The following GNAS variants were observed in gnomAD, a reference collection of about 807,000 sequenced individuals.
GNAS encodes protein ALEX.
In GNAS, 8 loss-of-function variants were observed where a neutral mutation model predicts 54.5. The observed-to-expected ratio is 0.15, with a 90% confidence interval of 0.09 to 0.26. The LOEUF (loss-of-function observed/expected upper bound fraction) is 0.26, where lower values mean the gene tolerates loss of function less well. GNAS is among the 10% of genes least tolerant of loss of function. The pLI is 1.00. For missense variants in GNAS, 170 were observed against 529.8 expected, an observed-to-expected ratio of 0.32 and a Z score of 6.67; for synonymous variants, 204 against 191.4, an observed-to-expected ratio of 1.07 and a Z score of -0.54.
chr20:58,850,959 G>A, intron 1 of GNAS: 1 of 398,686 alleles, frequency 2.5e-6, no homozygotes, highest in East Asian at 3.6e-5. Flanking sequence ...TCATTCGCCA[G>A]GCAGCCTTGA....
intron 6 of GNAS, among the ~76,000 whole-genome samples, chr20:58,908,484 A>G (rs117346213): frequency 0.016 from 2,451 of 152,100 alleles, 27 homozygotes; most frequent in Middle Eastern, 0.027. Flanking sequence ...GATTCTTAAA[A>G]AGTAAAAAGG....
Position 58,910,852 on chromosome 20 carries a change from T to G in GNAS, c.*23T>G. On this transcript the variant is annotated 3_prime_UTR_variant, in exon 13 of 13. Coordinates refer to ENST00000371085, the MANE Select transcript of GNAS (RefSeq NM_000516.7). This position sits in a 1 kb window ranked among gnomAD's most constrained non-coding sequence, Gnocchi z 5.8. ...TAAGAAGGGAACCCCCAAATTTAAT[T>G]AAAGCCTTAAGCACAATTAATTAAA... 1 of 1,607,640 alleles carries G rather than the reference T, an allele frequency of 6.2e-7. No homozygotes were observed. The highest frequency in any genetic ancestry group is 1.1e-5 in the South Asian group (1 of 90,964).
chr20:58,854,520 G>A lies in GNAS; in HGVS notation c.43+13634G>A, dbSNP rs981765080. The A allele has an allele frequency of 1.1e-5, 17 of 1,584,148 alleles. No individual in the cohort carries two copies. The highest frequency in any genetic ancestry group is 1.7e-5 in the Admixed American group (1 of 57,748). The stretch of plus-strand genomic sequence containing the variant: ...TCCCGACTCCGGGACAGCACCAGCC[G>A]ATCCTGACTCCGGGGCATTCGCAGC... On this transcript the variant is annotated intron_variant, in intron 1 of 12. Transcript: ENST00000306090.
intron 3 of GNAS, among the ~76,000 whole-genome samples, chr20:58,901,466 C>T (rs186479473): frequency 1.3e-3 from 204 of 152,276 alleles, no homozygotes; most frequent in African/African-American, 4.4e-3. Context: ...GAAGCTCGCT[C>T]ACCTCCCTGT....
intron 1 of GNAS, among the ~76,000 whole-genome samples, chr20:58,877,715 A>G (rs2087921058): frequency 6.6e-6 from 1 of 152,162 alleles, no homozygotes; most frequent in Non-Finnish European, 1.5e-5. Flanking sequence ...CAGTCAGCTC[A>G]AGCAAGAACG....
upstream of GNAS, chr20:58,839,865 T>C (rs945731825): frequency 3.4e-6 from 2 of 596,684 alleles, no homozygotes; most frequent in Admixed American, 3.0e-5. Flanking sequence ...CTTTCCCCTT[T>C]TTTCCCATCC....
chr20:58,855,412 C>T, intron 1 of GNAS: 1 of 1,257,558 alleles, frequency 8.0e-7, no homozygotes. Context: ...CCTGGTGGGG[C>T]TAGGGGCTCC....
At chr20:58,844,588 C>T (rs528965876) in intron 1 of GNAS, among the ~76,000 whole-genome samples, 3 of 152,138 alleles carry the variant, frequency 2.0e-5, no homozygotes, top group Admixed American at 6.5e-5. Context: ...AATGAGATCG[C>T]TGAATGAGAT....
chr20:58,890,396 C>A (rs28568499), upstream of GNAS, among the ~76,000 whole-genome samples: 1 of 151,662 alleles, frequency 6.6e-6, no homozygotes, highest in African/African-American at 2.4e-5. Flanking sequence ...AGGACGACGC[C>A]TACTACGCGG....
intron 1 of GNAS, chr20:58,855,955 T>G: frequency 2.9e-6 from 1 of 341,372 alleles, no homozygotes; most frequent in Non-Finnish European, 5.4e-6. Context: ...ACTTTCGCTG[T>G]TCGCACACTC....
chr20:58,896,228 AT>A (rs5842244), intron 2 of GNAS, among the ~76,000 whole-genome samples: 31 of 151,718 alleles, frequency 2.0e-4, no homozygotes, highest in African/African-American at 4.8e-4. Flanking sequence ...ACAGTTTCTC[AT>A]TTTTTTTGTC....
At chr20:58,855,330 C>G in intron 1 of GNAS, 2 of 1,566,576 alleles carry the variant, frequency 1.3e-6, no homozygotes, top group Non-Finnish European at 1.7e-6. Context: ...CCTGCTGCTT[C>G]TAGGTAATGC....
At chr20:58,849,067 C>A (rs1488077985) in intron 1 of GNAS, 1 of 393,102 alleles carries the variant, frequency 2.5e-6, no homozygotes, top group African/African-American at 2.1e-5. Flanking sequence ...TGATTTTCAA[C>A]TGGGGGAGAT....
rs1409144095 is a variant in GNAS, at chr20:58,853,437, C to A, written c.43+12551C>A. The A allele has an allele frequency of 6.2e-7, 1 of 1,607,528 alleles. No individual in the cohort carries two copies. Among genetic ancestry groups the A allele is most frequent in the Admixed American group, 1.7e-5 (1 of 59,374 alleles). ...GGAGACCGAACCGCCTCACAACGAG[C>A]CCATCCCCGTCGAGAATGATGGCGA... On this transcript the variant is annotated intron_variant, in intron 1 of 12. Coordinates refer to the GNAS transcript ENST00000306090. This position sits in a 1 kb window ranked among gnomAD's most constrained non-coding sequence, Gnocchi z 4.4.
intron 3 of GNAS, 25 bp from the exon 4 acceptor site, chr20:58,903,506 T>C: frequency 6.3e-7 from 1 of 1,595,210 alleles, no homozygotes. Flanking sequence ...AATATGATTT[T>C]CTTTTCTTTT....
chr20:58,843,523 G>T (rs2085824735), intron 1 of GNAS: 1 of 152,150 alleles, frequency 6.6e-6, no homozygotes, highest in African/African-American at 2.4e-5. Context: ...ATCTGAATAG[G>T]CCCACTTGCC....
chr20:58,851,038 C>G (rs1361872043), intron 1 of GNAS: 4 of 397,720 alleles, frequency 1.0e-5, no homozygotes, highest in Non-Finnish European at 1.8e-5. Context: ...GTGTTGGGAC[C>G]CAGTTGGGCC....
chr20:58,858,370 A>AAG (rs139713343), intron 1 of GNAS, among the ~76,000 whole-genome samples: 69 of 151,120 alleles, frequency 4.6e-4, no homozygotes, highest in South Asian at 1.5e-3. Flanking sequence ...TAAGAAATCA[A>AAG]AGAGAGAGAG....
Position 58,892,097 on chromosome 20 carries a change from C to T in GNAS, c.139+232C>T, listed in dbSNP as rs1196744291. The T allele has an allele frequency of 1.8e-5, 17 of 968,578 alleles. No homozygotes were observed. In the South Asian group the frequency reaches 2.9e-4, roughly 16 times the overall value. 60.0% of individuals were successfully genotyped at this position (968,578 alleles called of 1,614,324 possible). A position where few individuals can be genotyped will look rare whatever the true frequency, so the allele number is the denominator to read the frequency against. On this transcript the variant is annotated intron_variant, in intron 1 of 12. Coordinates refer to ENST00000371085, the MANE Select transcript of GNAS (RefSeq NM_000516.7). ...GGCCGTGGCGACGCGGGCGCGGGTC[C>T]CCCTCCCCCGGCCTGCCCGCTCAGT...
Sources: gnomAD v4.1 joint callset for allele counts (sites outside exome capture counted in the v4.1 genomes callset) on GRCh38, gnomAD v4.1.1 for gene constraint, Gnocchi (gnomAD v3.1) non-coding constraint, MANE v1.5 for transcripts, NCBI Gene and HGNC (gene_info 2026-07-23, HGNC 2026-07-21) for gene names.